EMILIN2: variants seen among roughly 807,000 people sequenced by gnomAD.
EMILIN2 encodes elastin microfibril interfacer 2.
Under a neutral mutation model 87.1 loss-of-function variants are expected in EMILIN2, and 71 were observed. That is an observed-to-expected ratio of 0.82 (90% CI 0.67 to 0.99). The LOEUF is 0.99. Ranked by LOEUF, EMILIN2 falls within the 50% of genes least tolerant of loss-of-function variation. EMILIN2 has a pLI of 0.00. For missense variants in EMILIN2, 1,407 were observed against 1,371.8 expected (o/e 1.03, Z -0.40); for synonymous variants, 581 against 563.4 (o/e 1.03, Z -0.44).
intron 4 of EMILIN2, among the ~76,000 whole-genome samples, chr18:2,899,878 G>T (rs1418504150): frequency 6.6e-6 from 1 of 152,240 alleles, no homozygotes; most frequent in Non-Finnish European, 1.5e-5. Flanking sequence ...TGCCTTCTCT[G>T]TCGGGGTTCT....
intron 2 of EMILIN2, among the ~76,000 whole-genome samples, chr18:2,853,868 A>G (rs1220265432): frequency 2.6e-5 from 4 of 152,192 alleles, no homozygotes; most frequent in African/African-American, 7.2e-5. Flanking sequence ...ACAGCCTCCA[A>G]TACCCATTGG....
At position 2,894,251 on chromosome 18, in the gene EMILIN2, G is replaced by C. The variant is rs1375259089; in HGVS notation, c.2359+1765G>C. On this transcript the variant is annotated intron_variant, in intron 4 of 7. Transcript: ENST00000254528. The surrounding 1 kb of genome is among the most constrained non-coding windows in gnomAD (Gnocchi z 5.0). ...TCCTGGCAGCTCAGGAGGGTGGAGAGGGTCCGAGGTAGGTGGGAAAATGCC... is the reference window on the plus strand; with the variant it reads ...TCCTGGCAGCTCAGGAGGGTGGAGACGGTCCGAGGTAGGTGGGAAAATGCC... Among the ~76,000 whole-genome samples the C allele has an allele frequency of 2.0e-5, 3 of 152,154 alleles. No homozygotes were observed. The highest frequency in any genetic ancestry group is 4.4e-5 in the Non-Finnish European group (3 of 68,022).
intron 5 of EMILIN2, among the ~76,000 whole-genome samples, chr18:2,908,163 G>T (rs1038389930): frequency 1.3e-5 from 2 of 152,158 alleles, no homozygotes; most frequent in African/African-American, 4.8e-5. Context: ...TCTTCTGTTA[G>T]TTCCATGTAT....
chr18:2,880,023 A>T lies in EMILIN2; in HGVS notation c.258-4941A>T, dbSNP rs1379412524. Among the ~76,000 whole-genome samples, 1 of 152,274 alleles carries T rather than the reference A, an allele frequency of 6.6e-6. No homozygotes were observed. Among genetic ancestry groups the T allele is most frequent in the African/African-American group, 2.4e-5 (1 of 41,558 alleles). ...TGCCCAGCCTAGTATATTAATTTTT[A>T]AAAATGGGATGTTATAGTGAACAAA... On this transcript the variant is annotated intron_variant, in intron 2 of 7. Transcript: ENST00000254528. This position sits in a 1 kb window ranked among gnomAD's most constrained non-coding sequence, Gnocchi z 4.1.
intron 2 of EMILIN2, among the ~76,000 whole-genome samples, chr18:2,866,241 G>A (rs762420578): frequency 3.9e-5 from 6 of 152,172 alleles, no homozygotes; most frequent in Admixed American, 1.3e-4. Context: ...AGACGAACCC[G>A]ATACCTCAGT....
upstream of EMILIN2, chr18:2,846,721 G>C (rs1457887536): frequency 5.1e-6 from 5 of 981,920 alleles, no homozygotes; most frequent in South Asian, 2.4e-4. This position sits in a 1 kb window ranked among gnomAD's most constrained non-coding sequence, Gnocchi z 5.3. Flanking sequence ...CGTCCCGGGG[G>C]GCCGGGAGCG....
In EMILIN2 at chr18:2,891,808, C is replaced by T; in HGVS notation, c.1681C>T (p.Pro561Ser). The T allele has an allele frequency of 6.2e-7, 1 of 1,614,210 alleles. No individual in the cohort carries two copies. Reference sequence around the variant, plus strand: ...TTGCCTGCTGAACATCCAGGGAAAGCCTCATGGGATGGAAGGTGCCTTGCC... The same window carrying T: ...TTGCCTGCTGAACATCCAGGGAAAGTCTCATGGGATGGAAGGTGCCTTGCC... Reference protein sequence around the residue: ...DICLLNIQGKPHGMEGALPNR... With the variant: ...DICLLNIQGKSHGMEGALPNR... Residue 561 changes from proline to serine, a missense_variant, in exon 4 of 8, where the codon CCT becomes TCT. Transcript: ENST00000254528. This position sits in a 1 kb window ranked among gnomAD's most constrained non-coding sequence, Gnocchi z 4.6.
intron 2 of EMILIN2, among the ~76,000 whole-genome samples, chr18:2,868,082 T>A (rs1045682245): frequency 1.3e-5 from 2 of 151,702 alleles, no homozygotes; most frequent in African/African-American, 4.9e-5. Flanking sequence ...ACTTCTCAGA[T>A]GGAGCGGCTG....
chr18:2,899,022 G>T (rs1227727827), intron 4 of EMILIN2, among the ~76,000 whole-genome samples: 1 of 152,136 alleles, frequency 6.6e-6, no homozygotes, highest in Non-Finnish European at 1.5e-5. Flanking sequence ...ACTTAGAGCT[G>T]CAGTGTTCGG....
chr18:2,895,187 T>C (rs1191777905), intron 4 of EMILIN2, among the ~76,000 whole-genome samples: 1 of 152,014 alleles, frequency 6.6e-6, no homozygotes, highest in Non-Finnish European at 1.5e-5. Flanking sequence ...ATGAGCCACC[T>C]TGAGTGTTCA....
chr18:2,905,310 G>C (rs1203734337), intron 4 of EMILIN2, among the ~76,000 whole-genome samples: 1 of 69,274 alleles, frequency 1.4e-5, no homozygotes, highest in Non-Finnish European at 2.7e-5. Flanking sequence ...CGGGGGGGGG[G>C]CATGTATTTG....
At position 2,847,383 on chromosome 18, in the gene EMILIN2, C is replaced by T. The variant is rs1009867078; in HGVS notation, c.134+61C>T. 39 of 1,255,348 alleles carry T rather than the reference C, an allele frequency of 3.1e-5. No homozygotes were observed. The highest frequency in any genetic ancestry group is 1.3e-4 in the African/African-American group (8 of 63,168). 77.8% of individuals were successfully genotyped at this position (1,255,348 alleles called of 1,614,324 possible). The stretch of plus-strand genomic sequence containing the variant: ...TACCCCTCCCCGGCCCCCAGTTGAG[C>T]CCCAGAGCTGCCCTGCCAAAGACGA... On this transcript the variant is annotated intron_variant, in intron 1 of 7. Coordinates refer to ENST00000254528, the MANE Select transcript of EMILIN2 (RefSeq NM_032048.3). The surrounding 1 kb of genome is among the most constrained non-coding windows in gnomAD (Gnocchi z 4.5).
At chr18:2,909,513 C>G (rs1226570188) in intron 6 of EMILIN2, among the ~76,000 whole-genome samples, 178 bp from the exon 7 acceptor site, 2 of 152,224 alleles carry the variant, frequency 1.3e-5, no homozygotes, top group Admixed American at 1.3e-4. Context: ...GTCCTGCCTG[C>G]TGATCCTCAG....
At chr18:2,898,588 C>G (rs746292184) in intron 4 of EMILIN2, among the ~76,000 whole-genome samples, 1 of 152,230 alleles carries the variant, frequency 6.6e-6, no homozygotes, top group Non-Finnish European at 1.5e-5. Context: ...AATGGCATCA[C>G]TTCCTTTTTC....
rs145327316 is a variant in EMILIN2 at position 2,898,308 on chromosome 18, G to A, written c.2359+5822G>A. On this transcript the variant is annotated intron_variant, in intron 4 of 7. Coordinates refer to ENST00000254528, the MANE Select transcript of EMILIN2 (RefSeq NM_032048.3). ...CCTGCCTGGGACCCAGGACTAGCCC[G>A]GCCTGCAGCCCAGTGGCAGCAGCAT... Among the ~76,000 whole-genome samples, 777 of 152,310 alleles carry A rather than the reference G, an allele frequency of 5.1e-3. 7 individuals carry two copies. The highest frequency in any genetic ancestry group is 0.018 in the African/African-American group (742 of 41,560).
intron 2 of EMILIN2, among the ~76,000 whole-genome samples, chr18:2,855,656 G>A (rs2076623448): frequency 6.6e-6 from 1 of 152,214 alleles, no homozygotes; most frequent in East Asian, 1.9e-4. Context: ...GGTTGGGTGG[G>A]TGGCTGACGT....
chr18:2,877,630 T>C (rs568369903), intron 2 of EMILIN2, among the ~76,000 whole-genome samples: 51 of 151,912 alleles, frequency 3.4e-4, no homozygotes, highest in Admixed American at 5.2e-4. Context: ...TACAAAAAAT[T>C]AGCCAGGCGT....
intron 2 of EMILIN2, among the ~76,000 whole-genome samples, chr18:2,871,620 G>C (rs552826791): frequency 6.6e-6 from 1 of 152,330 alleles, no homozygotes; most frequent in African/African-American, 2.4e-5. Flanking sequence ...GCGGGGATCT[G>C]TGTGCTCCTC....
chr18:2,867,885 G>A (rs1374275652), intron 2 of EMILIN2, among the ~76,000 whole-genome samples: 1 of 151,340 alleles, frequency 6.6e-6, no homozygotes, highest in Admixed American at 6.6e-5. Flanking sequence ...CAGAGTGGGT[G>A]GTGGCCGGGC....
Sources: gnomAD v4.1 joint callset for allele counts (sites outside exome capture counted in the v4.1 genomes callset) on GRCh38, gnomAD v4.1.1 for gene constraint, Gnocchi (gnomAD v3.1) non-coding constraint, MANE v1.5 for transcripts, NCBI Gene and HGNC (gene_info 2026-07-23, HGNC 2026-07-21) for gene names.